The following CDH18 variants were observed in gnomAD, a reference collection of about 807,000 sequenced individuals.
The protein encoded by CDH18 is cadherin 18, also known as cadherin-18.
In CDH18, 31 loss-of-function variants were observed where a neutral mutation model predicts 67.9. The ratio of observed to expected loss-of-function variants is 0.46; its 90% confidence interval spans 0.34 to 0.62. The LOEUF (loss-of-function observed/expected upper bound fraction) is 0.62. Among genes scored for constraint, CDH18 ranks in the 20% least tolerant of loss-of-function variants. The pLI is 0.01. For missense variants in CDH18, 890 were observed against 975.5 expected, an observed-to-expected ratio of 0.91 and a Z score of 1.17; for synonymous variants, 362 against 347.2, an observed-to-expected ratio of 1.04 and a Z score of -0.48.
At chr5:19,639,427 G>A (rs930890539) in intron 5 of CDH18, among the ~76,000 whole-genome samples, 2 of 152,162 alleles carry the variant, frequency 1.3e-5, no homozygotes, top group African/African-American at 2.4e-5. Context: ...GAACACCCAA[G>A]CAATCTTTGC....
chr5:19,683,234 G>A (rs1760591406), intron 5 of CDH18, among the ~76,000 whole-genome samples: 1 of 151,922 alleles, frequency 6.6e-6, no homozygotes, highest in African/African-American at 2.4e-5. Context: ...ATTTCTCATG[G>A]TTTCTTAGCA....
intron 3 of CDH18, among the ~76,000 whole-genome samples, chr5:19,771,725 T>C (rs6451429): frequency 0.69 from 105,218 of 152,048 alleles, 42,818 homozygotes; most frequent in South Asian, 0.89. Context: ...GTATGCTGAA[T>C]TAAGTAAGCT....
intron 1 of CDH18, among the ~76,000 whole-genome samples, chr5:20,326,963 G>T (rs1738656219): frequency 6.6e-6 from 1 of 152,170 alleles, no homozygotes; most frequent in African/African-American, 2.4e-5. Context: ...ATAGACGGGT[G>T]AATGTACTGT....
chr5:19,883,341 T>C (rs544004146), intron 2 of CDH18, among the ~76,000 whole-genome samples: 25 of 152,256 alleles, frequency 1.6e-4, no homozygotes, highest in African/African-American at 5.5e-4. Context: ...AGAGTAGCAC[T>C]CAAGTCACTG....
intron 2 of CDH18, among the ~76,000 whole-genome samples, chr5:20,041,200 AT>A (rs1255624070): frequency 2.0e-5 from 3 of 152,214 alleles, no homozygotes; most frequent in Admixed American, 6.5e-5. Flanking sequence ...GATATCTTGC[AT>A]GTATAGTAGA....
chr5:19,751,825 G>A (rs1387676145), intron 3 of CDH18, among the ~76,000 whole-genome samples: 1 of 152,166 alleles, frequency 6.6e-6, no homozygotes, highest in African/African-American at 2.4e-5. Flanking sequence ...CATCAAGGTG[G>A]ATGGGAGTCA....
rs141551786 is a variant in CDH18 at position 20,425,488 on chromosome 5, G to GTAAAT, written c.-580+149969_-580+149973dup. Among the ~76,000 whole-genome samples, 65 of 151,326 alleles carry GTAAAT rather than the reference G, an allele frequency of 4.3e-4. No homozygotes were observed. The East Asian group carries it at 0.012, about 27-fold the overall frequency. ...CAATAGAAAATATTTATATAGTCAT[G>GTAAAT]TAAATTAAAACTGGATACAGAGTGA... On this transcript the variant is annotated intron_variant, in intron 1 of 14. Coordinates refer to the CDH18 transcript ENST00000507958.
rs534006595 is a variant in CDH18 at position 20,106,723 on chromosome 5, G to A, written c.-517-114709C>T. On this transcript the variant is annotated intron_variant, in intron 2 of 14. Coordinates refer to the CDH18 transcript ENST00000507958. ...TTTTATCTCAAAATAAAGCTTCACCGCCATCTCTGTTTTGTTGAAATTCAA... is the reference window on the plus strand; with the variant it reads ...TTTTATCTCAAAATAAAGCTTCACCACCATCTCTGTTTTGTTGAAATTCAA... Among the ~76,000 whole-genome samples the A allele has an allele frequency of 3.7e-4, 56 of 152,146 alleles. No individual in the cohort carries two copies. In the East Asian group the frequency reaches 8.9e-3, roughly 24 times the overall value.
intron 1 of CDH18, among the ~76,000 whole-genome samples, chr5:20,407,099 C>A (rs529384640): frequency 3.3e-5 from 5 of 152,126 alleles, no homozygotes; most frequent in Non-Finnish European, 1.5e-5. Context: ...ACTAGACCCC[C>A]AGGTATTTAA....
At chr5:20,339,455 T>C (rs1046753966) in intron 1 of CDH18, among the ~76,000 whole-genome samples, 11 of 152,072 alleles carry the variant, frequency 7.2e-5, no homozygotes, top group African/African-American at 2.7e-4. Context: ...TCAGCCCTAC[T>C]AGCAGTTGTA....
intron 2 of CDH18, among the ~76,000 whole-genome samples, chr5:19,844,630 G>A (rs951123179): frequency 6.6e-6 from 1 of 152,136 alleles, no homozygotes; most frequent in Non-Finnish European, 1.5e-5. Flanking sequence ...TTTCATCAGT[G>A]ACAGAGGCAC....
intron 2 of CDH18, among the ~76,000 whole-genome samples, chr5:19,965,577 G>C (rs1048473651): frequency 2.0e-5 from 3 of 152,144 alleles, no homozygotes; most frequent in African/African-American, 7.2e-5. Context: ...TATTAAAGTT[G>C]AATCAGTGTG....
intron 2 of CDH18, among the ~76,000 whole-genome samples, chr5:19,860,903 A>G (rs1182792667): frequency 6.6e-6 from 1 of 152,136 alleles, no homozygotes; most frequent in Non-Finnish European, 1.5e-5. Context: ...TTCACTCATA[A>G]TTGTCTCTCT....
intron 1 of CDH18, among the ~76,000 whole-genome samples, chr5:20,353,990 G>A (rs1741409565): frequency 6.6e-6 from 1 of 152,146 alleles, no homozygotes; most frequent in South Asian, 2.1e-4. Context: ...GGAGAAGCAC[G>A]TTTAGCTTCC....
intron 5 of CDH18, among the ~76,000 whole-genome samples, chr5:19,628,709 C>T (rs1751940835): frequency 6.6e-6 from 1 of 151,968 alleles, no homozygotes; most frequent in East Asian, 1.9e-4. Context: ...CTCAAGCAGA[C>T]ATATTCAGCT....
intron 1 of CDH18, among the ~76,000 whole-genome samples, chr5:20,269,036 G>A (rs888841692): frequency 1.3e-5 from 2 of 152,004 alleles, no homozygotes; most frequent in Non-Finnish European, 1.5e-5. Context: ...ACCAACAACA[G>A]CAAAACCAAA....
chr5:19,700,115 T>C (rs1462499650), intron 5 of CDH18, among the ~76,000 whole-genome samples: 5 of 152,308 alleles, frequency 3.3e-5, no homozygotes, highest in East Asian at 1.9e-4. Flanking sequence ...TTTTGTAAAG[T>C]AGCAATCATC....
intron 1 of CDH18, among the ~76,000 whole-genome samples, chr5:20,455,856 T>C (rs1303086486): frequency 1.3e-5 from 2 of 152,142 alleles, no homozygotes; most frequent in Non-Finnish European, 2.9e-5. Context: ...TGTCTTTCAC[T>C]TCCTACTTAA....
intron 1 of CDH18, among the ~76,000 whole-genome samples, chr5:20,415,744 C>T (rs1738717886): frequency 6.6e-6 from 1 of 151,792 alleles, no homozygotes; most frequent in African/African-American, 2.4e-5. Flanking sequence ...TGCTCTCACT[C>T]CAGCCTGGGT....
Sources: gnomAD v4.1 joint callset for allele counts (sites outside exome capture counted in the v4.1 genomes callset) on GRCh38, gnomAD v4.1.1 for gene constraint, MANE v1.5 for transcripts, NCBI Gene and HGNC (gene_info 2026-07-23, HGNC 2026-07-21) for gene names.